Variants in TRAM2 observed in about 807,000 individuals in gnomAD.
TRAM2 encodes the protein translocating chain-associated membrane protein 2.
Under a neutral mutation model 51.0 loss-of-function variants are expected in TRAM2, and 12 were observed. That is an observed-to-expected ratio of 0.24 (90% CI 0.15 to 0.38). TRAM2 has a LOEUF of 0.38. Among genes scored for constraint, TRAM2 ranks in the 10% least tolerant of loss-of-function variants. The pLI is 1.00. For synonymous variants in TRAM2, 175 were observed against 179.4 expected, an observed-to-expected ratio of 0.98 and a Z score of 0.20; for missense variants, 361 against 462.0, an observed-to-expected ratio of 0.78 and a Z score of 2.00.
chr6:52,499,975 G>A lies in TRAM2; in HGVS notation c.*3222C>T, dbSNP rs1766174701. ...ATAGTGCAGCTATCAGCGCCCGGAT[G>A]GTAAAAATAACTCCCATCATCACTG... On this transcript the variant is annotated 3_prime_UTR_variant, in exon 11 of 11. Transcript: ENST00000182527. 1 of 152,178 alleles carries A rather than the reference G, an allele frequency of 6.6e-6. No homozygotes were observed. The highest frequency in any genetic ancestry group is 1.5e-5 in the Non-Finnish European group (1 of 68,056). 9.4% of individuals were successfully genotyped at this position (152,178 alleles called of 1,614,324 possible).
chr6:52,538,964 C>T (rs1767027845), intron 1 of TRAM2, among the ~76,000 whole-genome samples: 1 of 152,148 alleles, frequency 6.6e-6, no homozygotes, highest in African/African-American at 2.4e-5. Context: ...CAATTCATAA[C>T]CTTGTTTTAT....
chr6:52,555,518 C>G (rs889842347), intron 1 of TRAM2, among the ~76,000 whole-genome samples: 1 of 152,108 alleles, frequency 6.6e-6, no homozygotes, highest in Non-Finnish European at 1.5e-5. Flanking sequence ...TGATGATCAT[C>G]CTTACAGGTA....
In TRAM2 at chr6:52,502,822, TG is replaced by T. The variant is rs1766260198; in HGVS notation, c.*374del. On this transcript the variant is annotated 3_prime_UTR_variant, in exon 11 of 11. Coordinates refer to ENST00000182527, the MANE Select transcript of TRAM2 (RefSeq NM_012288.4). ...CATTGTAAAAATCAGACAGAAAAAT[TG>T]CAAGATAAGGTGAAAATAGGAAGTA... 1 of 200,006 alleles carries T rather than the reference TG, an allele frequency of 5.0e-6. No homozygotes were observed. The highest frequency in any genetic ancestry group is 2.3e-5 in the African/African-American group (1 of 42,678). The allele number at this position is 200,006 out of a possible 1,614,324, so 12.4% of individuals were successfully genotyped here.
At chr6:52,567,694 A>G (rs1044166111) in intron 1 of TRAM2, among the ~76,000 whole-genome samples, 5 of 152,188 alleles carry the variant, frequency 3.3e-5, no homozygotes, top group Admixed American at 6.5e-5. Context: ...AAACTTCAAC[A>G]TTGTTCATTA....
At position 52,577,032 on chromosome 6, in the gene TRAM2, C is replaced by T. The variant is rs1405941132; in HGVS notation, c.-117G>A. Reference sequence around the variant, plus strand: ...GGCCCGCCGCCCGCTCTCCCACAGCCGCTCGCCCGCCCAGCGCGGAACAAC... The same window carrying T: ...GGCCCGCCGCCCGCTCTCCCACAGCTGCTCGCCCGCCCAGCGCGGAACAAC... On this transcript the variant is annotated 5_prime_UTR_variant, in exon 1 of 11. Transcript: ENST00000182527. 5 of 1,212,408 alleles carry T rather than the reference C, an allele frequency of 4.1e-6. No homozygotes were observed. The East Asian group carries it at 1.0e-4, about 25-fold the overall frequency. 75.1% of individuals were successfully genotyped at this position (1,212,408 alleles called of 1,614,324 possible). A position where few individuals can be genotyped will look rare whatever the true frequency, so the allele number is the denominator to read the frequency against.
In TRAM2 at chr6:52,500,534, T is replaced by A. The variant is rs11752918; in HGVS notation, c.*2663A>T. The A allele has an allele frequency of 6.8e-6, 1 of 147,706 alleles. No individual in the cohort carries two copies. Among genetic ancestry groups the A allele is most frequent in the Non-Finnish European group, 1.5e-5 (1 of 65,952 alleles). The allele number at this position is 147,706 out of a possible 1,614,324, so 9.1% of individuals were successfully genotyped here. On this transcript the variant is annotated 3_prime_UTR_variant, in exon 11 of 11. Transcript: ENST00000182527. ...GGTCTCAGGGTTTTTTTTTGTTTTT[T>A]TTTTTTTTTTTACATAAAATAAACC...
chr6:52,569,079 C>A (rs62405879), intron 1 of TRAM2, among the ~76,000 whole-genome samples: 2,145 of 152,246 alleles, frequency 0.014, 29 homozygotes, highest in Non-Finnish European at 0.018. Context: ...CAGGCCAGCA[C>A]CTTGATCTTC....
intron 10 of TRAM2, among the ~76,000 whole-genome samples, chr6:52,504,187 G>A: frequency 6.6e-6 from 1 of 152,346 alleles, no homozygotes; most frequent in South Asian, 2.1e-4. Context: ...CTGGGAGGCA[G>A]GGGCAGGCTA....
intron 1 of TRAM2, among the ~76,000 whole-genome samples, chr6:52,538,888 C>G (rs1767019648): frequency 6.6e-6 from 1 of 152,192 alleles, no homozygotes; most frequent in Admixed American, 6.5e-5. Flanking sequence ...ACACTGAAAC[C>G]TTGTTCCTGG....
intron 3 of TRAM2, 35 bp from the exon 4 acceptor site, chr6:52,516,157 C>T: frequency 6.3e-7 from 1 of 1,577,996 alleles, no homozygotes; most frequent in Non-Finnish European, 8.7e-7. Context: ...TATTAATATA[C>T]AAATGTATCC....
At position 52,504,757 on chromosome 6, in the gene TRAM2, G is replaced by T. The variant is rs771197292; in HGVS notation, c.876-3C>A. 1.1e-5 allele frequency: 17 copies of T among 1,598,552 alleles called. No individual in the cohort carries two copies. The Admixed American group carries it at 2.9e-4, about 28-fold the overall frequency. On this transcript the variant is annotated splice_polypyrimidine_tract_variant and splice_region_variant and intron_variant, in intron 9 of 10. Transcript: ENST00000182527. ...ACACCAGCAGCAGCACGCAGAGCCT[G>T]CAGAGCAGGGGGTTAGGGGCTTAGG... is the stretch of plus-strand genomic sequence containing the variant.
chr6:52,567,480 T>C (rs959609529), intron 1 of TRAM2, among the ~76,000 whole-genome samples: 1 of 152,248 alleles, frequency 6.6e-6, no homozygotes, highest in African/African-American at 2.4e-5. Context: ...AATGGTTGAA[T>C]AGTGTTGAAT....
At position 52,502,726 on chromosome 6, in the gene TRAM2, A is replaced by G. The variant is rs1234871355; in HGVS notation, c.*471T>C. 1 of 169,416 alleles carries G rather than the reference A, an allele frequency of 5.9e-6. No homozygotes were observed. Among genetic ancestry groups the G allele is most frequent in the Non-Finnish European group, 1.3e-5 (1 of 78,826 alleles). 10.5% of individuals were successfully genotyped at this position (169,416 alleles called of 1,614,324 possible). A position where few individuals can be genotyped will look rare whatever the true frequency, so the allele number is the denominator to read the frequency against. Reference sequence around the variant, plus strand: ...TCCACATGAGGACCACCAAGGGCCTACCAGCCCCAGGCTTCTGACCGGCAG... The same window carrying G: ...TCCACATGAGGACCACCAAGGGCCTGCCAGCCCCAGGCTTCTGACCGGCAG... On this transcript the variant is annotated 3_prime_UTR_variant, in exon 11 of 11. Coordinates refer to ENST00000182527, the MANE Select transcript of TRAM2 (RefSeq NM_012288.4).
chr6:52,506,268 C>T, intron 7 of TRAM2, 132 bp from the exon 8 acceptor site: 1 of 770,252 alleles, frequency 1.3e-6, no homozygotes, highest in Non-Finnish European at 2.2e-6. Context: ...CCCTGGCTGG[C>T]TCTGCTCCAT....
intron 1 of TRAM2, among the ~76,000 whole-genome samples, chr6:52,547,663 C>A (rs1258568980): frequency 6.6e-6 from 1 of 152,242 alleles, no homozygotes; most frequent in Non-Finnish European, 1.5e-5. Flanking sequence ...TCTAGAGGGA[C>A]AGGCAGGGCC....
In TRAM2 at chr6:52,509,595, G is replaced by A. The variant is rs766452188; in HGVS notation, c.412-9C>T. ...TTTGTTAAGTATCCTTCCTGCAGTGGGCAAGAAGAGAGACCATTTAGAGAT... is the reference window on the plus strand; with the variant it reads ...TTTGTTAAGTATCCTTCCTGCAGTGAGCAAGAAGAGAGACCATTTAGAGAT... On this transcript the variant is annotated splice_polypyrimidine_tract_variant and intron_variant, in intron 4 of 10. Transcript: ENST00000182527. 9.9e-6 allele frequency: 16 copies of A among 1,613,674 alleles called. No individual in the cohort carries two copies.
chr6:52,523,377 C>T (rs1198168149), intron 2 of TRAM2: 1 of 153,132 alleles, frequency 6.5e-6, no homozygotes, highest in African/African-American at 2.4e-5. Flanking sequence ...TTTTAAAAAT[C>T]GAGTAGAAAT....
chr6:52,509,864 C>T (rs954816995), intron 4 of TRAM2, among the ~76,000 whole-genome samples: 1 of 152,166 alleles, frequency 6.6e-6, no homozygotes, highest in Admixed American at 6.5e-5. Flanking sequence ...AGTCTTGCTC[C>T]TCTGAGCAAG....
At position 52,501,580 on chromosome 6, in the gene TRAM2, CTT is replaced by C. The variant is rs539521352; in HGVS notation, c.*1615_*1616del. 3.6e-4 allele frequency: 55 copies of C among 152,286 alleles called. No individual in the cohort carries two copies. Among genetic ancestry groups the C allele is most frequent in the Admixed American group, 2.0e-3 (30 of 15,294 alleles). 9.4% of individuals were successfully genotyped at this position (152,286 alleles called of 1,614,324 possible). On this transcript the variant is annotated 3_prime_UTR_variant, in exon 11 of 11. Coordinates refer to ENST00000182527, the MANE Select transcript of TRAM2 (RefSeq NM_012288.4). ...TTGTTTTTTTAGACAGAATTTCGCTCTTGTTGTCCAGGCTGGAGTGCCATGGT... is the reference window on the plus strand; with the variant it reads ...TTGTTTTTTTAGACAGAATTTCGCTCGTTGTCCAGGCTGGAGTGCCATGGT...
Sources: allele counts gnomAD v4.1 joint callset (sites outside exome capture counted in the v4.1 genomes callset), GRCh38; gene constraint gnomAD v4.1.1; transcripts MANE v1.5; gene names NCBI Gene and HGNC (gene_info 2026-07-23, HGNC 2026-07-21).